Variants in TBC1D5 observed in about 807,000 individuals in gnomAD.
TBC1D5 encodes TBC1 domain family member 5, also known as TBC1 domain family, member 5.
Under a neutral mutation model 100.3 loss-of-function variants are expected in TBC1D5, and 75 were observed. The ratio of observed to expected loss-of-function variants is 0.75; its 90% CI spans 0.62 to 0.91. The LOEUF (loss-of-function observed/expected upper bound fraction) is 0.91, where lower values mean the gene tolerates loss of function less well. TBC1D5 is among the 40% of genes least tolerant of loss of function. The pLI is 0.00. For synonymous variants in TBC1D5, 323 were observed against 325.6 expected (o/e 0.99, Z 0.09); for missense variants, 910 against 942.4 (o/e 0.97, Z 0.45).
chr3:17,274,296 A>G (rs986998089), intron 15 of TBC1D5, among the ~76,000 whole-genome samples: 1 of 152,232 alleles, frequency 6.6e-6, no homozygotes, highest in African/African-American at 2.4e-5. Context: ...TCCTAAATAT[A>G]TGCTGAAATT....
At chr3:17,530,243 CAAAAAAAAAAA>C (rs57879135) in intron 2 of TBC1D5, among the ~76,000 whole-genome samples, 7 of 59,936 alleles carry the variant, frequency 1.2e-4, no homozygotes, top group African/African-American at 3.1e-4. Flanking sequence ...GACTTCGTCT[CAAAAAAAAAAA>C]AAAAAAAAGG....
chr3:17,196,412 A>C (rs961908318), intron 18 of TBC1D5, among the ~76,000 whole-genome samples: 1 of 152,242 alleles, frequency 6.6e-6, no homozygotes, highest in African/African-American at 2.4e-5. Context: ...GAAGGGAAAC[A>C]ACACAGAAGT....
chr3:17,370,101 G>T (rs796396117), intron 13 of TBC1D5, among the ~76,000 whole-genome samples: 2 of 152,076 alleles, frequency 1.3e-5, no homozygotes, highest in African/African-American at 2.4e-5. Context: ...TGATAAAGAT[G>T]AAACTAACCC....
chr3:17,499,115 G>A (rs961349779), intron 3 of TBC1D5, among the ~76,000 whole-genome samples: 6 of 152,116 alleles, frequency 3.9e-5, no homozygotes, highest in Non-Finnish European at 8.8e-5. Flanking sequence ...GGATATTCAA[G>A]TCTTCCCTCT....
chr3:17,716,717 A>C (rs1312160370), intron 1 of TBC1D5, among the ~76,000 whole-genome samples: 1 of 152,212 alleles, frequency 6.6e-6, no homozygotes, highest in African/African-American at 2.4e-5. Flanking sequence ...TCATTATATG[A>C]AATTTCTTTA....
At chr3:17,658,868 T>C (rs1039051474) in intron 1 of TBC1D5, among the ~76,000 whole-genome samples, 4 of 152,336 alleles carry the variant, frequency 2.6e-5, no homozygotes, top group Non-Finnish European at 5.9e-5. Flanking sequence ...TTTGCCATGT[T>C]GGCCAGGCTG....
At chr3:17,492,655 TG>T (rs2095653701) in intron 3 of TBC1D5, among the ~76,000 whole-genome samples, 1 of 152,108 alleles carries the variant, frequency 6.6e-6, no homozygotes, top group Non-Finnish European at 1.5e-5. Flanking sequence ...AGGCTGGTCT[TG>T]ATCTCCTGAC....
At chr3:17,579,371 T>A (rs1033302054) in intron 2 of TBC1D5, among the ~76,000 whole-genome samples, 1 of 152,122 alleles carries the variant, frequency 6.6e-6, no homozygotes, top group Admixed American at 6.6e-5. Context: ...TTTCTATTTG[T>A]CTGATCGTAT....
At chr3:17,170,100 C>T (rs868222340) in intron 19 of TBC1D5, among the ~76,000 whole-genome samples, 2 of 152,322 alleles carry the variant, frequency 1.3e-5, no homozygotes, top group Admixed American at 6.5e-5. Flanking sequence ...TGGTGCATGA[C>T]CCAGGAGTGG....
rs546667830 is a variant in TBC1D5, at chr3:17,540,844, C to T, written c.-35-32239G>A. On this transcript the variant is annotated intron_variant, in intron 2 of 21. Coordinates refer to ENST00000253692, the Ensembl canonical transcript of TBC1D5. ...ATCGCTTGAACCCAGGAGGCAGAGG[C>T]TGCAGTGAGCCGAGATCATGCCACT... is the stretch of plus-strand genomic sequence containing the variant. Among the ~76,000 whole-genome samples, 3 of 136,454 alleles carry T rather than the reference C, an allele frequency of 2.2e-5. No individual in the cohort carries two copies. The East Asian group carries it at 7.0e-4, about 32-fold the overall frequency. The allele number at this position is 136,454 out of a possible 152,430, so 89.5% of individuals were successfully genotyped here. A position where few individuals can be genotyped will look rare whatever the true frequency, so the allele number is the denominator to read the frequency against.
intron 2 of TBC1D5, among the ~76,000 whole-genome samples, chr3:17,585,495 A>C (rs1331719230): frequency 6.6e-6 from 1 of 152,234 alleles, no homozygotes; most frequent in Non-Finnish European, 1.5e-5. Context: ...GAACCCAGGA[A>C]GGACTGTGGT....
intron 2 of TBC1D5, among the ~76,000 whole-genome samples, chr3:17,560,808 CTACTAGG>C (rs2096553822): frequency 6.6e-6 from 1 of 151,052 alleles, no homozygotes; most frequent in Non-Finnish European, 1.5e-5. Flanking sequence ...GTAATCCCAG[CTACTAGG>C]GAGGCTGAGG....
chr3:17,232,663 G>GA (rs950244313), intron 17 of TBC1D5, among the ~76,000 whole-genome samples: 1 of 152,014 alleles, frequency 6.6e-6, no homozygotes, highest in African/African-American at 2.4e-5. Context: ...ACTATATATA[G>GA]AAGTGAAAGC....
intron 3 of TBC1D5, among the ~76,000 whole-genome samples, chr3:17,452,058 GT>G (rs2094940765): frequency 1.3e-5 from 2 of 152,248 alleles, no homozygotes; most frequent in South Asian, 4.1e-4. Flanking sequence ...TTAATTGCGT[GT>G]TTGTTTACAC....
Position 17,372,337 on chromosome 3 carries a change from G to T in TBC1D5, c.823-90C>A, listed in dbSNP as rs560597902. 1.0e-4 allele frequency: 130 copies of T among 1,239,076 alleles called. No individual in the cohort carries two copies. The African/African-American group carries it at 1.6e-3, about 16-fold the overall frequency. 76.8% of individuals were successfully genotyped at this position (1,239,076 alleles called of 1,614,324 possible). ...TCTTTATCAATGACAGTTTAAACAAGAAGTCTTATTATCTGCCTACTACTC... is the reference window on the plus strand; with the variant it reads ...TCTTTATCAATGACAGTTTAAACAATAAGTCTTATTATCTGCCTACTACTC... On this transcript the variant is annotated intron_variant, in intron 12 of 21. Coordinates refer to ENST00000253692, the Ensembl canonical transcript of TBC1D5.
At chr3:17,404,631 C>A in intron 7 of TBC1D5, 63 bp downstream of exon 7, 1 of 1,431,738 alleles carries the variant, frequency 7.0e-7, no homozygotes, top group South Asian at 1.4e-5. Context: ...GACTGGCAAC[C>A]AGTCATATAA....
chr3:17,293,441 G>A (rs1263933982), intron 14 of TBC1D5, among the ~76,000 whole-genome samples: 3 of 152,176 alleles, frequency 2.0e-5, no homozygotes, highest in African/African-American at 7.2e-5. Context: ...TTGTGGAAAA[G>A]TTTTGATCTC....
chr3:17,536,012 T>C (rs553773894), intron 2 of TBC1D5, among the ~76,000 whole-genome samples: 1 of 152,308 alleles, frequency 6.6e-6, no homozygotes, highest in Admixed American at 6.5e-5. Flanking sequence ...TTTTCAGATA[T>C]GTAAAAATTA....
At chr3:17,210,709 T>C (rs973856889) in intron 18 of TBC1D5, among the ~76,000 whole-genome samples, 10 of 152,204 alleles carry the variant, frequency 6.6e-5, no homozygotes, top group Non-Finnish European at 8.8e-5. Flanking sequence ...GACTTTTTCC[T>C]ACCTTAAAAC....
Sources: gnomAD v4.1 joint callset for allele counts (sites outside exome capture counted in the v4.1 genomes callset) on GRCh38, gnomAD v4.1.1 for gene constraint, MANE v1.5 for transcripts, NCBI Gene and HGNC (gene_info 2026-07-23, HGNC 2026-07-21) for gene names.